Variants in SMARCA2 observed in about 807,000 individuals in gnomAD.
SMARCA2 encodes SWI/SNF-related matrix-associated actin-dependent regulator of chromatin subfamily A member 2.
Under a neutral mutation model 199.8 loss-of-function variants are expected in SMARCA2, and 61 were observed. The ratio of observed to expected loss-of-function variants is 0.31; its 90% confidence interval spans 0.25 to 0.38. The LOEUF (loss-of-function observed/expected upper bound fraction) is 0.38, where lower values mean the gene tolerates loss of function less well. Ranked by LOEUF, SMARCA2 falls within the 10% of genes least tolerant of loss-of-function variation. The pLI, the probability that SMARCA2 is intolerant of heterozygous loss-of-function variation, is 1.00. For missense variants in SMARCA2, 1,344 were observed against 2,012.2 expected (o/e 0.67, Z 6.35); for synonymous variants, 935 against 732.0 (o/e 1.28, Z -4.48).
intron 4 of SMARCA2, 133 bp from the exon 5 acceptor site, chr9:2,047,096 T>TC (rs1377807370): frequency 1.7e-6 from 1 of 587,486 alleles, no homozygotes; most frequent in South Asian, 7.5e-5. Context: ...TTTTTTTTTT[T>TC]CCTTCTCTTC....
intron 18 of SMARCA2, 70 bp from the exon 19 acceptor site, chr9:2,088,430 A>C: frequency 6.6e-7 from 1 of 1,507,598 alleles, no homozygotes; most frequent in Admixed American, 2.5e-5. Flanking sequence ...CACATATGTA[A>C]CATAAAGCTT....
Position 2,016,593 on chromosome 9 carries a change from G to C in SMARCA2, c.-37+1189G>C, listed in dbSNP as rs2130103191. Among the ~76,000 whole-genome samples the C allele has an allele frequency of 6.6e-6, 1 of 150,856 alleles. No homozygotes were observed. The highest frequency in any genetic ancestry group is 2.0e-4 in the East Asian group (1 of 4,948). ...TCCGGATAATCCTGTCTGCCTGACTGTCACAAACAGGACCCGCGCACCACC... is the reference window on the plus strand; with the variant it reads ...TCCGGATAATCCTGTCTGCCTGACTCTCACAAACAGGACCCGCGCACCACC... On this transcript the variant is annotated intron_variant, in intron 1 of 33. Coordinates refer to ENST00000349721, the MANE Select transcript of SMARCA2 (RefSeq NM_003070.5). This position sits in a 1 kb window ranked among gnomAD's most constrained non-coding sequence, Gnocchi z 5.6.
intron 21 of SMARCA2, 75 bp from the exon 22 acceptor site, chr9:2,101,495 C>G (rs1485947214): frequency 1.3e-6 from 1 of 743,836 alleles, no homozygotes; most frequent in African/African-American, 1.9e-5. Context: ...GGTAGGATAA[C>G]CTCACTAAAA....
At chr9:2,182,276 C>A (rs139636031) in intron 31 of SMARCA2, 34 bp downstream of exon 31, 2 of 1,262,920 alleles carry the variant, frequency 1.6e-6, no homozygotes, top group Non-Finnish European at 2.3e-6. Context: ...AAGTTCTTAA[C>A]TGTAAATGTG....
chr9:2,080,629 T>A (rs566448698), intron 14 of SMARCA2, among the ~76,000 whole-genome samples: 1 of 152,332 alleles, frequency 6.6e-6, no homozygotes, highest in African/African-American at 2.4e-5. Context: ...TCTTGGAGGT[T>A]CTTCCTGTTT....
rs1007468450 is a variant in SMARCA2 at position 2,184,683 on chromosome 9, C to A, written c.4462-1413C>A. 1.3e-5 allele frequency among the ~76,000 whole-genome samples: 2 copies of A among 152,062 alleles called. 1 individual carries two copies. Among genetic ancestry groups the A allele is most frequent in the African/African-American group, 4.8e-5 (2 of 41,406 alleles). On this transcript the variant is annotated intron_variant, in intron 31 of 33. Coordinates refer to ENST00000349721, the MANE Select transcript of SMARCA2 (RefSeq NM_003070.5). Reference sequence around the variant, plus strand: ...AATATCTTAAGCAGAAAATTGACATCAATACAATTCCCAGATGCATCTCTT... The same window carrying A: ...AATATCTTAAGCAGAAAATTGACATAAATACAATTCCCAGATGCATCTCTT...
chr9:2,182,106 CT>C, intron 30 of SMARCA2, 34 bp from the exon 31 acceptor site: 2 of 1,369,832 alleles, frequency 1.5e-6, no homozygotes, highest in Non-Finnish European at 2.1e-6. Context: ...TCCTCTCCCT[CT>C]TTTTTTCTCC....
chr9:2,100,864 A>T (rs1822480716), intron 21 of SMARCA2, among the ~76,000 whole-genome samples: 1 of 152,186 alleles, frequency 6.6e-6, no homozygotes, highest in South Asian at 2.1e-4. Flanking sequence ...GTAAGGAAAA[A>T]GAGGTTTAAT....
chr9:2,139,343 G>A (rs780477658), intron 27 of SMARCA2, among the ~76,000 whole-genome samples: 46 of 152,212 alleles, frequency 3.0e-4, no homozygotes, highest in Non-Finnish European at 4.0e-4. Flanking sequence ...GTAGAGAATG[G>A]GGAATGCTGA....
chr9:2,049,639 G>C (rs1372087978), intron 5 of SMARCA2, among the ~76,000 whole-genome samples: 1 of 152,198 alleles, frequency 6.6e-6, no homozygotes, highest in Non-Finnish European at 1.5e-5. Context: ...AAGAAGCACA[G>C]TTTGGTGGTG....
At position 2,170,551 on chromosome 9, in the gene SMARCA2, G is replaced by A. The variant is rs572979763; in HGVS notation, c.4253+79G>A. The A allele has an allele frequency of 1.3e-4, 213 of 1,606,830 alleles. No homozygotes were observed. The highest frequency in any genetic ancestry group is 2.8e-4 in the South Asian group (25 of 90,056). On this transcript the variant is annotated intron_variant, in intron 29 of 33. Transcript: ENST00000349721. The surrounding 1 kb of genome is among the most constrained non-coding windows in gnomAD (Gnocchi z 4.7). The stretch of plus-strand genomic sequence containing the variant: ...GTGAAACAGATTGAATCATATAATC[G>A]GCCTTTGGAAGCAAATTTCTTCGGT...
At position 2,159,639 on chromosome 9, in the gene SMARCA2, T is replaced by C. The variant is rs1825561947; in HGVS notation, c.3982-2047T>C. 6 of 657,638 alleles carry C rather than the reference T, an allele frequency of 9.1e-6. No homozygotes were observed. In the South Asian group the frequency reaches 1.5e-4, roughly 16 times the overall value. The allele number at this position is 657,638 out of a possible 1,614,324, so 40.7% of individuals were successfully genotyped here. ...AATAAGGGGAAAAAAATATGATAAG[T>C]AGTTGTCAATATTAAAACAGGCTGA... is the stretch of plus-strand genomic sequence containing the variant. On this transcript the variant is annotated intron_variant, in intron 27 of 33. Transcript: ENST00000349721.
At chr9:2,035,215 T>C (rs1168268079) in intron 3 of SMARCA2, among the ~76,000 whole-genome samples, 5 of 152,026 alleles carry the variant, frequency 3.3e-5, no homozygotes, top group Admixed American at 6.5e-5. Context: ...CTAATTTTTG[T>C]ATTTTTAATA....
At chr9:2,060,451 GTCTAAAATATA>G (rs1820539234) in intron 8 of SMARCA2, among the ~76,000 whole-genome samples, 2 of 152,188 alleles carry the variant, frequency 1.3e-5, no homozygotes, top group Non-Finnish European at 2.9e-5. Context: ...ATTTGAAAAT[GTCTAAAATATA>G]GAGTTAAAGA....
intron 9 of SMARCA2, among the ~76,000 whole-genome samples, chr9:2,068,173 T>A (rs1347331175): frequency 6.6e-6 from 1 of 152,184 alleles, no homozygotes; most frequent in African/African-American, 2.4e-5. Flanking sequence ...GTAGCAGGGA[T>A]GGTTTCTTTT....
At chr9:2,127,172 T>C (rs1221677154) in intron 27 of SMARCA2, among the ~76,000 whole-genome samples, 2 of 152,206 alleles carry the variant, frequency 1.3e-5, no homozygotes, top group African/African-American at 4.8e-5. Flanking sequence ...ATTTCTTTGC[T>C]TGTCCTTCAG....
chr9:2,169,975 G>T lies in SMARCA2; in HGVS notation c.4200-444G>T, dbSNP rs1355873617. ...GAATACCTTCTTTGTGCAGGCTACT[G>T]TAAGAAAGCACTTTATCCTATTTAA... is the stretch of plus-strand genomic sequence containing the variant. On this transcript the variant is annotated intron_variant, in intron 28 of 33. Transcript: ENST00000349721. The surrounding 1 kb of genome is among the most constrained non-coding windows in gnomAD (Gnocchi z 6.5). Among the ~76,000 whole-genome samples, 1 of 152,154 alleles carries T rather than the reference G, an allele frequency of 6.6e-6. No homozygotes were observed. Among genetic ancestry groups the T allele is most frequent in the Non-Finnish European group, 1.5e-5 (1 of 68,032 alleles).
chr9:2,074,741 C>A (rs1274818675), intron 12 of SMARCA2, among the ~76,000 whole-genome samples: 4 of 152,122 alleles, frequency 2.6e-5, no homozygotes, highest in African/African-American at 9.7e-5. Context: ...GTGACGCATG[C>A]CCGCAGTTCC....
At chr9:2,076,448 A>G in intron 13 of SMARCA2, 119 bp downstream of exon 13, 1 of 689,270 alleles carries the variant, frequency 1.5e-6, no homozygotes. Flanking sequence ...TCTGCTTGAA[A>G]CTGTGCTCCT....
Sources: gnomAD v4.1 joint callset for allele counts (sites outside exome capture counted in the v4.1 genomes callset) on GRCh38, gnomAD v4.1.1 for gene constraint, Gnocchi (gnomAD v3.1) non-coding constraint, MANE v1.5 for transcripts, NCBI Gene and HGNC (gene_info 2026-07-23, HGNC 2026-07-21) for gene names.